Variants in ANKRD17 observed in about 807,000 individuals in gnomAD.
ANKRD17 encodes ankyrin repeat domain-containing protein 17.
A neutral mutation model predicts 229.7 loss-of-function variants in ANKRD17; 19 were observed. The observed-to-expected ratio is 0.08, with a 90% CI of 0.06 to 0.12. The LOEUF is 0.12. Among genes scored for constraint, ANKRD17 ranks in the 10% least tolerant of loss-of-function variants. The probability of loss-of-function intolerance (pLI) is 1.00; values close to 1 mark genes in which losing one functional copy is unlikely to be tolerated. For missense variants in ANKRD17, 2,176 were observed against 3,176.8 expected (o/e 0.68, Z 7.57); for synonymous variants, 1,112 against 1,146.1 (o/e 0.97, Z 0.60).
At chr4:73,084,800 G>C (rs1006443950) in intron 30 of ANKRD17, among the ~76,000 whole-genome samples, 10 of 152,264 alleles carry the variant, frequency 6.6e-5, no homozygotes, top group African/African-American at 1.9e-4. Flanking sequence ...CTCAAGGGTA[G>C]AAATCTTTCT....
chr4:73,085,757 G>C (rs945864316), intron 29 of ANKRD17, among the ~76,000 whole-genome samples: 18 of 151,472 alleles, frequency 1.2e-4, no homozygotes, highest in Non-Finnish European at 1.3e-4. Flanking sequence ...TCTCACTTTG[G>C]GGGGCCAAAG....
At chr4:73,188,332 A>G (rs1736569377) in intron 1 of ANKRD17, among the ~76,000 whole-genome samples, 1 of 152,180 alleles carries the variant, frequency 6.6e-6, no homozygotes, top group Non-Finnish European at 1.5e-5. Flanking sequence ...CACACCTGTA[A>G]TCCCAGCATT....
intron 14 of ANKRD17, among the ~76,000 whole-genome samples, chr4:73,141,177 C>T (rs1252550642): frequency 1.3e-5 from 2 of 152,056 alleles, no homozygotes; most frequent in Non-Finnish European, 2.9e-5. Context: ...TGATTCAAAC[C>T]GGTAGGTATA....
chr4:73,229,972 A>G (rs1316402690), intron 1 of ANKRD17, among the ~76,000 whole-genome samples: 3 of 152,124 alleles, frequency 2.0e-5, no homozygotes, highest in Admixed American at 1.3e-4. Flanking sequence ...AAAAAAATCT[A>G]ATGTACAAGA....
chr4:73,183,568 C>A (rs976829256), intron 1 of ANKRD17, among the ~76,000 whole-genome samples: 1 of 152,086 alleles, frequency 6.6e-6, no homozygotes, highest in African/African-American at 2.4e-5. Context: ...GATTCTCCCA[C>A]CTCAGCCTCC....
chr4:73,242,411 A>G (rs1195979355), intron 1 of ANKRD17, among the ~76,000 whole-genome samples: 1 of 152,230 alleles, frequency 6.6e-6, no homozygotes, highest in East Asian at 1.9e-4. Context: ...AAATTCCACA[A>G]GAAATGTGTA....
chr4:73,201,889 C>T (rs1738720242), intron 1 of ANKRD17, among the ~76,000 whole-genome samples: 1 of 152,114 alleles, frequency 6.6e-6, no homozygotes, highest in Admixed American at 6.5e-5. Context: ...TGCTGCTATA[C>T]AAACATGGAC....
rs141832504 is a variant in ANKRD17 at position 73,098,088 on chromosome 4, C to T, written c.5006G>A (p.Gly1669Asp). Residue 1669 changes from glycine to aspartate, a missense_variant, in exon 26 of 34, where the codon GGC becomes GAC. By Grantham distance (94) the Gly-to-Asp change is moderately conservative. Around this residue, in one of 18 missense-constraint regions of ANKRD17, gnomAD observed 98 missense variants for 101.0 expected, o/e 0.97. Coordinates refer to ENST00000358602, the MANE Select transcript of ANKRD17 (RefSeq NM_032217.5). Reference protein sequence around the residue: ...FPKEERKSVSGKASIKLSETI... With the variant: ...FPKEERKSVSDKASIKLSETI... ...TGGAACTAACTTTATTGAAGCCTTG[C>T]CAGAAACAGATTTTCTCTCTTCCTT... is the stretch of plus-strand genomic sequence containing the variant. 1.9e-6 allele frequency: 3 copies of T among 1,598,870 alleles called. No individual in the cohort carries two copies. Among genetic ancestry groups the T allele is most frequent in the East Asian group, 2.2e-5 (1 of 44,522 alleles).
chr4:73,114,215 A>G (rs1053485468), intron 23 of ANKRD17, among the ~76,000 whole-genome samples: 19 of 152,208 alleles, frequency 1.2e-4, no homozygotes, highest in Non-Finnish European at 2.5e-4. Context: ...CAGAACTACA[A>G]TAATTTATGT....
chr4:73,233,662 T>C (rs1291362775), intron 1 of ANKRD17, among the ~76,000 whole-genome samples: 1 of 152,186 alleles, frequency 6.6e-6, no homozygotes, highest in Non-Finnish European at 1.5e-5. Context: ...ATTATTTTTT[T>C]CTCTGTGCTA....
intron 1 of ANKRD17, among the ~76,000 whole-genome samples, chr4:73,191,514 T>C (rs1006978906): frequency 6.6e-6 from 1 of 151,640 alleles, no homozygotes; most frequent in African/African-American, 2.4e-5. Flanking sequence ...ACACAAAACC[T>C]AGAAACTAGG....
At chr4:73,231,419 G>C (rs1028481327) in intron 1 of ANKRD17, among the ~76,000 whole-genome samples, 2 of 152,076 alleles carry the variant, frequency 1.3e-5, no homozygotes, top group Non-Finnish European at 2.9e-5. Flanking sequence ...CAATCAGTCT[G>C]GTCTCAAGAT....
At chr4:73,109,680 A>T (rs1026621224) in intron 24 of ANKRD17, among the ~76,000 whole-genome samples, 1 of 152,198 alleles carries the variant, frequency 6.6e-6, no homozygotes, top group East Asian at 1.9e-4. Context: ...AGGGAAATCT[A>T]GTAAAGCTAC....
At chr4:73,213,598 C>A (rs1235659349) in intron 1 of ANKRD17, among the ~76,000 whole-genome samples, 4 of 152,132 alleles carry the variant, frequency 2.6e-5, no homozygotes, top group Non-Finnish European at 4.4e-5. Flanking sequence ...CAGAGATGTA[C>A]AGATGTTACT....
chr4:73,125,775 C>T (rs1246244607), intron 16 of ANKRD17, among the ~76,000 whole-genome samples: 1 of 149,404 alleles, frequency 6.7e-6, no homozygotes, highest in African/African-American at 2.4e-5. Context: ...GCAAGGTTTA[C>T]TTGTTTCCAT....
At chr4:73,188,783 C>A (rs925271813) in intron 1 of ANKRD17, among the ~76,000 whole-genome samples, 4 of 152,008 alleles carry the variant, frequency 2.6e-5, no homozygotes, top group Non-Finnish European at 4.4e-5. Flanking sequence ...AACACAGTTT[C>A]TTGGGTAAAG....
chr4:73,227,528 T>A (rs1300940962), intron 1 of ANKRD17, among the ~76,000 whole-genome samples: 3 of 152,194 alleles, frequency 2.0e-5, no homozygotes, highest in African/African-American at 7.2e-5. Context: ...AGACTTTTCA[T>A]TATTTTGCCA....
intron 1 of ANKRD17, among the ~76,000 whole-genome samples, chr4:73,196,028 A>G (rs538342258): frequency 5.9e-5 from 7 of 118,826 alleles, no homozygotes; most frequent in Admixed American, 9.9e-5. Context: ...TTTTTTTGAG[A>G]TGGAGTCTCA....
chr4:73,252,490 A>C lies in ANKRD17; in HGVS notation c.393+5786T>G, dbSNP rs1162922393. On this transcript the variant is annotated intron_variant, in intron 1 of 33. Transcript: ENST00000358602. Reference sequence around the variant, plus strand: ...GTAGTGAGAATGTTTCAAAGTAACAAGGTAGGAGGGAGAGGGTGGGGGTCA... The same window carrying C: ...GTAGTGAGAATGTTTCAAAGTAACACGGTAGGAGGGAGAGGGTGGGGGTCA... 2.0e-5 allele frequency among the ~76,000 whole-genome samples: 3 copies of C among 152,196 alleles called. No individual in the cohort carries two copies. The South Asian group carries it at 6.2e-4, about 31-fold the overall frequency.
Sources: allele counts gnomAD v4.1 joint callset (sites outside exome capture counted in the v4.1 genomes callset), GRCh38; gene constraint gnomAD v4.1.1; regional missense constraint gnomAD v4.1.1; transcripts MANE v1.5; gene names NCBI Gene and HGNC (gene_info 2026-07-23, HGNC 2026-07-21).